COL22A1: variants seen among roughly 807,000 people sequenced by gnomAD.
The protein encoded by COL22A1 is collagen type XXII alpha 1 chain, also known as collagen alpha-1(XXII) chain.
In COL22A1, 221 loss-of-function variants were observed where a neutral mutation model predicts 248.9. The observed-to-expected ratio is 0.89, with a 90% CI of 0.80 to 0.99. The LOEUF (loss-of-function observed/expected upper bound fraction) is 0.99. COL22A1 is among the 50% of genes least tolerant of loss of function. The pLI is 0.00. For synonymous variants in COL22A1, 891 were observed against 793.4 expected (o/e 1.12, Z -2.07); for missense variants, 2,240 against 2,179.0 (o/e 1.03, Z -0.56).
chr8:138,621,426 C>G (rs1375137523), intron 52 of COL22A1, among the ~76,000 whole-genome samples: 2 of 152,168 alleles, frequency 1.3e-5, no homozygotes, highest in Non-Finnish European at 2.9e-5. Flanking sequence ...TCTCTTCCTC[C>G]CTCCCTCACT....
chr8:138,625,651 T>G (rs1160779578), intron 51 of COL22A1, among the ~76,000 whole-genome samples: 2 of 152,212 alleles, frequency 1.3e-5, no homozygotes, highest in African/African-American at 4.8e-5. Flanking sequence ...ATAAAGAAAT[T>G]TTTAAAATGC....
At chr8:138,879,727 A>G (rs199681747) in intron 2 of COL22A1, among the ~76,000 whole-genome samples, 2 of 146,920 alleles carry the variant, frequency 1.4e-5, no homozygotes, top group African/African-American at 4.9e-5. Flanking sequence ...AGAAGAAGAA[A>G]AAGAGGAAGA....
At chr8:138,651,326 G>A (rs905150003) in intron 45 of COL22A1, among the ~76,000 whole-genome samples, 1 of 152,162 alleles carries the variant, frequency 6.6e-6, no homozygotes, top group Non-Finnish European at 1.5e-5. Flanking sequence ...GAGGACAGAG[G>A]TAGAATTATC....
At chr8:138,774,853 G>A (rs1814265184) in intron 16 of COL22A1, among the ~76,000 whole-genome samples, 1 of 152,284 alleles carries the variant, frequency 6.6e-6, no homozygotes, top group East Asian at 1.9e-4. Flanking sequence ...AAACTCTACA[G>A]CAGCACGGAG....
chr8:138,827,052 C>A, intron 5 of COL22A1: 1 of 434,642 alleles, frequency 2.3e-6, no homozygotes, highest in Non-Finnish European at 4.3e-6. Flanking sequence ...CCACCACCAC[C>A]ATGACTCTGA....
At chr8:138,910,360 T>A (rs1418679744) in intron 1 of COL22A1, among the ~76,000 whole-genome samples, 3 of 152,078 alleles carry the variant, frequency 2.0e-5, no homozygotes. Context: ...CAGAACCACA[T>A]GGGCACACAC....
intron 47 of COL22A1, among the ~76,000 whole-genome samples, chr8:138,641,648 G>A (rs558471699): frequency 9.2e-5 from 14 of 152,284 alleles, no homozygotes; most frequent in South Asian, 6.2e-4. Flanking sequence ...TCCTCATGCC[G>A]GCCACTGAAG....
rs762480301 is a variant in COL22A1, at chr8:138,598,824, G to A, written c.4260C>T (p.Gly1420=). 2 of 1,614,044 alleles carry A rather than the reference G, an allele frequency of 1.2e-6. No homozygotes were observed. The highest frequency in any genetic ancestry group is 1.7e-6 in the Non-Finnish European group (2 of 1,180,036). Residue 1420 remains glycine (G), a synonymous_variant, in exon 61 of 65, where the codon GGC becomes GGT. Coordinates refer to ENST00000303045, the MANE Select transcript of COL22A1 (RefSeq NM_152888.3). ...KGQPGDPGIP[G]HKGHTGLMGP... ...CCATCAGGCCTGTGTGGCCTTTGTG[G>A]CCTGGGATTCCAGGGTCCCCAGGCT...
chr8:138,810,234 G>A (rs191752947), intron 9 of COL22A1, among the ~76,000 whole-genome samples: 1 of 152,306 alleles, frequency 6.6e-6, no homozygotes, highest in East Asian at 1.9e-4. Flanking sequence ...TCCTTGGGAT[G>A]TCTTGGAAGA....
At position 138,786,242 on chromosome 8, in the gene COL22A1, T is replaced by G. The variant is rs1033730831; in HGVS notation, c.1597-5262A>C. ...CTTTGTTCAGGGATGTGGCCACCCT[T>G]ACTGTGTATTCTAAGAAGAGAACTA... is the stretch of plus-strand genomic sequence containing the variant. On this transcript the variant is annotated intron_variant, in intron 12 of 64. Coordinates refer to ENST00000303045, the MANE Select transcript of COL22A1 (RefSeq NM_152888.3). Among the ~76,000 whole-genome samples the G allele has an allele frequency of 6.6e-5, 10 of 152,316 alleles. No individual in the cohort carries two copies. The East Asian group carries it at 1.9e-3, about 29-fold the overall frequency.
intron 23 of COL22A1, among the ~76,000 whole-genome samples, chr8:138,728,112 A>G (rs1487176819): frequency 6.6e-6 from 1 of 152,174 alleles, no homozygotes; most frequent in Non-Finnish European, 1.5e-5. Context: ...AGCTCACTGC[A>G]GCCTCCAATT....
chr8:138,710,640 A>C (rs1205279566), intron 30 of COL22A1, among the ~76,000 whole-genome samples: 1 of 151,174 alleles, frequency 6.6e-6, no homozygotes, highest in African/African-American at 2.5e-5. Context: ...ACAGATGAAG[A>C]AACTGAGGCA....
intron 43 of COL22A1, among the ~76,000 whole-genome samples, chr8:138,661,084 A>C (rs1026437017): frequency 3.9e-5 from 4 of 103,850 alleles, no homozygotes; most frequent in Middle Eastern, 4.5e-3. Flanking sequence ...ATACATACAC[A>C]CAAACATACA....
intron 31 of COL22A1, among the ~76,000 whole-genome samples, chr8:138,702,357 G>C (rs1382841504): frequency 6.6e-6 from 1 of 152,202 alleles, no homozygotes; most frequent in Non-Finnish European, 1.5e-5. Flanking sequence ...GAGCATTGCT[G>C]GGGAGGAGAC....
intron 7 of COL22A1, among the ~76,000 whole-genome samples, chr8:138,818,518 G>T (rs1818857042): frequency 6.6e-6 from 1 of 152,196 alleles, no homozygotes; most frequent in South Asian, 2.1e-4. Context: ...TCTTAGGCAG[G>T]GAGAGGTTTG....
chr8:138,875,289 C>T (rs1389954522), intron 3 of COL22A1, among the ~76,000 whole-genome samples: 1 of 152,112 alleles, frequency 6.6e-6, no homozygotes, highest in Non-Finnish European at 1.5e-5. Flanking sequence ...GTTCTGTTCC[C>T]AGCCCTGGTG....
intron 23 of COL22A1, among the ~76,000 whole-genome samples, chr8:138,727,861 C>T (rs1215580312): frequency 1.3e-5 from 2 of 152,098 alleles, no homozygotes; most frequent in Admixed American, 1.3e-4. Context: ...ACGAGGGCTG[C>T]TGGAAGGCTT....
intron 39 of COL22A1, among the ~76,000 whole-genome samples, chr8:138,682,553 G>A (rs1052583691): frequency 6.6e-6 from 1 of 152,108 alleles, no homozygotes; most frequent in African/African-American, 2.4e-5. Flanking sequence ...AATTTTCACT[G>A]GATATGGGCA....
intron 37 of COL22A1, among the ~76,000 whole-genome samples, chr8:138,687,414 G>A (rs998078091): frequency 1.3e-5 from 2 of 152,156 alleles, no homozygotes; most frequent in African/African-American, 2.4e-5. Context: ...ACATCTCCTC[G>A]TGTTAAATTA....
Sources: allele counts gnomAD v4.1 joint callset (sites outside exome capture counted in the v4.1 genomes callset), GRCh38; gene constraint gnomAD v4.1.1; transcripts MANE v1.5; gene names NCBI Gene and HGNC (gene_info 2026-07-23, HGNC 2026-07-21).